ATP9B: variants seen among roughly 807,000 people sequenced by gnomAD.
ATP9B encodes probable phospholipid-transporting ATPase IIB.
Under a neutral mutation model 146.1 loss-of-function variants are expected in ATP9B, and 110 were observed. The observed-to-expected ratio is 0.75, with a 90% CI of 0.65 to 0.88. The LOEUF is 0.88. Among genes scored for constraint, ATP9B ranks in the 40% least tolerant of loss-of-function variants. ATP9B has a pLI of 0.00. For missense variants in ATP9B, 1,499 were observed against 1,496.4 expected (o/e 1.00, Z -0.03); for synonymous variants, 604 against 569.7 (o/e 1.06, Z -0.86).
At chr18:79,304,768 TC>T (rs2096611569) in intron 14 of ATP9B, among the ~76,000 whole-genome samples, 2 of 152,328 alleles carry the variant, frequency 1.3e-5, no homozygotes, top group African/African-American at 4.8e-5. Context: ...TTTGTGCCTG[TC>T]ATAATTTGAA....
Position 79,176,911 on chromosome 18 carries a change from A to G in ATP9B, c.873+4A>G. 1 of 1,613,162 alleles carries G rather than the reference A, an allele frequency of 6.2e-7. No homozygotes were observed. Among genetic ancestry groups the G allele is most frequent in the Non-Finnish European group, 8.5e-7 (1 of 1,179,208 alleles). On this transcript the variant is annotated splice_donor_region_variant and intron_variant, in intron 8 of 29. Transcript: ENST00000426216. ...GCAACAGCTGCCGGCTCTGGGGGTG[A>G]GCAGCACCAAGACTACTCCATCCTT...
intron 26 of ATP9B, among the ~76,000 whole-genome samples, chr18:79,369,593 A>G (rs2097057692): frequency 6.6e-6 from 1 of 151,898 alleles, no homozygotes; most frequent in Non-Finnish European, 1.5e-5. Flanking sequence ...TGGGAGAATA[A>G]ATTATAATAG....
At chr18:79,361,536 G>A (rs1184684356) in intron 26 of ATP9B, 65 of 138,720 alleles carry the variant, frequency 4.7e-4, no homozygotes, top group Non-Finnish European at 2.3e-4. Context: ...TTTTTTTTTG[G>A]TCAAGAATGC....
At chr18:79,247,764 AT>A (rs1374118258) in intron 11 of ATP9B, among the ~76,000 whole-genome samples, 1 of 152,252 alleles carries the variant, frequency 6.6e-6, no homozygotes, top group Admixed American at 6.5e-5. Context: ...TATACAAAAA[AT>A]ATAGTACTTT....
intron 2 of ATP9B, among the ~76,000 whole-genome samples, chr18:79,097,916 G>A (rs1019393952): frequency 6.6e-6 from 1 of 151,298 alleles, no homozygotes; most frequent in African/African-American, 2.4e-5. Flanking sequence ...TGGGTCAAAT[G>A]GTATTTCTAG....
At chr18:79,329,414 T>C in intron 16 of ATP9B, 112 bp downstream of exon 16, 1 of 1,245,136 alleles carries the variant, frequency 8.0e-7, no homozygotes, top group Non-Finnish European at 1.1e-6. Flanking sequence ...TGCTTTATGC[T>C]GTTACAGTTT....
In ATP9B at chr18:79,164,497, C is replaced by T. The variant is rs557189891; in HGVS notation, c.778+9942C>T. 5.9e-5 allele frequency among the ~76,000 whole-genome samples: 9 copies of T among 152,112 alleles called. 1 individual carries two copies. The East Asian group carries it at 9.7e-4, about 16-fold the overall frequency. The stretch of plus-strand genomic sequence containing the variant: ...TTGGGAGGCCGAGGCAGGCGGATCA[C>T]GAGGTCAGGAGATCGGGACCATCCT... On this transcript the variant is annotated intron_variant, in intron 7 of 29. Coordinates refer to ENST00000426216, the MANE Select transcript of ATP9B (RefSeq NM_198531.5).
chr18:79,323,690 T>A (rs12456527), intron 15 of ATP9B, among the ~76,000 whole-genome samples: 62,302 of 152,056 alleles, frequency 0.41, 13,113 homozygotes, highest in East Asian at 0.7. Flanking sequence ...CACCACGTTT[T>A]CTTCATCCGT....
At chr18:79,130,267 C>A (rs34445739) in intron 5 of ATP9B, among the ~76,000 whole-genome samples, 1 of 152,142 alleles carries the variant, frequency 6.6e-6, no homozygotes. Context: ...AGAGAATTAT[C>A]TAAAGGAAGC....
chr18:79,116,940 T>TAAAAAAAAAAA (rs377608135), intron 4 of ATP9B, among the ~76,000 whole-genome samples: 1 of 106,802 alleles, frequency 9.4e-6, no homozygotes, highest in Non-Finnish European at 1.9e-5. Flanking sequence ...AAAAAAAAAT[T>TAAAAAAAAAAA]AAAAAAAAAA....
chr18:79,307,453 G>A (rs953772220), intron 15 of ATP9B: 19 of 613,344 alleles, frequency 3.1e-5, no homozygotes, highest in South Asian at 1.0e-4. Flanking sequence ...GCCACATCTC[G>A]GCACATCCCA....
In ATP9B at chr18:79,232,745, G is replaced by A. The variant is rs564550658; in HGVS notation, c.1107+18707G>A. 5.9e-5 allele frequency among the ~76,000 whole-genome samples: 9 copies of A among 152,266 alleles called. No individual in the cohort carries two copies. The South Asian group carries it at 6.2e-4, about 11-fold the overall frequency. Reference sequence around the variant, plus strand: ...CTGGAATAGAAGAAGTAGACAACTCGCGAAAACGGAGAGATAACTGTAATC... The same window carrying A: ...CTGGAATAGAAGAAGTAGACAACTCACGAAAACGGAGAGATAACTGTAATC... On this transcript the variant is annotated intron_variant, in intron 11 of 29. Transcript: ENST00000426216.
At chr18:79,166,689 C>T (rs1003014476) in intron 7 of ATP9B, among the ~76,000 whole-genome samples, 2 of 152,118 alleles carry the variant, frequency 1.3e-5, no homozygotes, top group African/African-American at 4.8e-5. Flanking sequence ...ACTAGCTAAG[C>T]CAGCCTGAGC....
intron 13 of ATP9B, among the ~76,000 whole-genome samples, chr18:79,288,858 T>A (rs892843548): frequency 2.6e-5 from 4 of 152,204 alleles, no homozygotes; most frequent in African/African-American, 9.7e-5. Flanking sequence ...GTATTTTATT[T>A]CTCCTTCACT....
intron 27 of ATP9B, among the ~76,000 whole-genome samples, chr18:79,373,637 G>A (rs571812376): frequency 9.9e-5 from 15 of 152,098 alleles, no homozygotes; most frequent in East Asian, 7.8e-4. Flanking sequence ...TTACAGGTGC[G>A]TGCCACCACG....
chr18:79,088,637 GTGAC>G (rs1285697473), intron 1 of ATP9B, among the ~76,000 whole-genome samples: 1 of 152,186 alleles, frequency 6.6e-6, no homozygotes, highest in African/African-American at 2.4e-5. Context: ...GTGAAAAGAA[GTGAC>G]TGCCATTTCT....
chr18:79,104,999 T>C (rs945384999), intron 2 of ATP9B, among the ~76,000 whole-genome samples: 6 of 152,204 alleles, frequency 3.9e-5, no homozygotes, highest in African/African-American at 9.6e-5. Flanking sequence ...TGGAAAAAGC[T>C]AGCTGAGCCA....
intron 1 of ATP9B, among the ~76,000 whole-genome samples, chr18:79,072,937 G>A (rs998086832): frequency 5.5e-5 from 8 of 145,540 alleles, no homozygotes; most frequent in South Asian, 2.3e-4. Context: ...AGAGGCGCTC[G>A]TCACATCCCA....
chr18:79,079,160 C>A (rs2072969985), intron 1 of ATP9B, among the ~76,000 whole-genome samples: 2 of 152,112 alleles, frequency 1.3e-5, no homozygotes, highest in South Asian at 2.1e-4. Context: ...GATTTATAAT[C>A]CTTTGGGTAT....
Sources: allele counts gnomAD v4.1 joint callset (sites outside exome capture counted in the v4.1 genomes callset), GRCh38; gene constraint gnomAD v4.1.1; transcripts MANE v1.5; gene names NCBI Gene and HGNC (gene_info 2026-07-23, HGNC 2026-07-21).